Variants in PTPN13 observed in about 807,000 individuals in gnomAD.
The protein encoded by PTPN13 is protein tyrosine phosphatase non-receptor type 13, also known as tyrosine-protein phosphatase non-receptor type 13.
A neutral mutation model predicts 284.0 loss-of-function variants in PTPN13; 191 were observed. That is an observed-to-expected ratio of 0.67 (90% confidence interval 0.60 to 0.76). The LOEUF is 0.76. PTPN13 is among the 30% of genes least tolerant of loss of function. The pLI, the probability that PTPN13 is intolerant of heterozygous loss-of-function variation, is 0.00. For missense variants in PTPN13, 2,797 were observed against 2,939.9 expected (o/e 0.95, Z 1.12); for synonymous variants, 986 against 1,022.3 (o/e 0.96, Z 0.68).
At chr4:86,776,154 C>T (rs1740611967) in intron 35 of PTPN13, among the ~76,000 whole-genome samples, 1 of 152,144 alleles carries the variant, frequency 6.6e-6, no homozygotes, top group South Asian at 2.1e-4. Flanking sequence ...CCATGTTGGC[C>T]AGGCTGGTCT....
chr4:86,633,605 T>C (rs1722701038), intron 1 of PTPN13, among the ~76,000 whole-genome samples: 3 of 152,228 alleles, frequency 2.0e-5, no homozygotes, highest in Non-Finnish European at 4.4e-5. Context: ...ACCCTGAGTA[T>C]ATGCGTTAGA....
In PTPN13 at chr4:86,772,846, C is replaced by T. The variant is rs755302291; in HGVS notation, c.5237C>T (p.Ser1746Phe). The change falls in exon 32 of 48, where the codon TCC becomes TTC. Residue 1746 changes from serine to phenylalanine, a missense_variant. Coordinates refer to ENST00000411767, the MANE Select transcript of PTPN13 (RefSeq NM_080683.3). ...QSYQPQSESA[S>F]SSSMDKYHIH... is the part of the protein sequence containing the mutation. ...TATCAACCCCAATCAGAATCTGCTTCCTCTAGTTCGATGGATAAGTATCAT... is the reference window on the plus strand; with the variant it reads ...TATCAACCCCAATCAGAATCTGCTTTCTCTAGTTCGATGGATAAGTATCAT... 2 of 1,613,434 alleles carry T rather than the reference C, an allele frequency of 1.2e-6. No individual in the cohort carries two copies. Among genetic ancestry groups the T allele is most frequent in the Admixed American group, 3.3e-5 (2 of 60,010 alleles).
intron 1 of PTPN13, among the ~76,000 whole-genome samples, chr4:86,613,755 G>A (rs190466795): frequency 1.3e-5 from 2 of 151,834 alleles, no homozygotes; most frequent in Admixed American, 1.3e-4. Flanking sequence ...TTTTTGCATC[G>A]CTAGACAAAG....
At chr4:86,752,644 A>G (rs1737527798) in intron 19 of PTPN13, among the ~76,000 whole-genome samples, 1 of 152,194 alleles carries the variant, frequency 6.6e-6, no homozygotes. Context: ...TAGAAAACAT[A>G]AAACACTCTT....
chr4:86,616,792 A>G (rs944733185), intron 1 of PTPN13, among the ~76,000 whole-genome samples: 3 of 152,152 alleles, frequency 2.0e-5, no homozygotes, highest in Non-Finnish European at 4.4e-5. Context: ...CTACAGAACC[A>G]TGAGTCAATT....
At chr4:86,663,852 CCTTA>C (rs1726779260) in intron 2 of PTPN13, among the ~76,000 whole-genome samples, 1 of 152,004 alleles carries the variant, frequency 6.6e-6, no homozygotes, top group Admixed American at 6.6e-5. Flanking sequence ...CTGTAAAATG[CCTTA>C]CTTACAGCTT....
chr4:86,752,891 T>C (rs1578578000), intron 19 of PTPN13, 118 bp from the exon 20 acceptor site: 1 of 593,196 alleles, frequency 1.7e-6, no homozygotes, highest in Non-Finnish European at 2.8e-6. Context: ...TCAGTGTAAA[T>C]ACAAAATGTT....
At chr4:86,648,782 T>C (rs1724737526) in intron 2 of PTPN13, among the ~76,000 whole-genome samples, 1 of 152,200 alleles carries the variant, frequency 6.6e-6, no homozygotes, top group Admixed American at 6.5e-5. Flanking sequence ...AGTTCCATTT[T>C]TATTTTTTTT....
intron 45 of PTPN13, among the ~76,000 whole-genome samples, chr4:86,808,785 A>C (rs1744918542): frequency 6.6e-6 from 1 of 152,242 alleles, no homozygotes; most frequent in Non-Finnish European, 1.5e-5. Context: ...ACAGACAAAA[A>C]ATATTTCTAA....
At chr4:86,808,379 G>A (rs1025146221) in intron 45 of PTPN13, among the ~76,000 whole-genome samples, 1 of 152,174 alleles carries the variant, frequency 6.6e-6, no homozygotes, top group Non-Finnish European at 1.5e-5. Flanking sequence ...CCTAACCACT[G>A]GATCAATCTA....
At position 86,791,608 on chromosome 4, in the gene PTPN13, C is replaced by A. The variant is rs570792161; in HGVS notation, c.6346-5266C>A. Among the ~76,000 whole-genome samples, 22 of 152,306 alleles carry A rather than the reference C, an allele frequency of 1.4e-4. No homozygotes were observed. The East Asian group carries it at 4.3e-3, about 29-fold the overall frequency. On this transcript the variant is annotated intron_variant, in intron 40 of 47. Transcript: ENST00000411767. ...GGAGACATCTCCCAGGAGGGGCCGA[C>A]AGACACCTCAAACAGGCGGGTGCCC...
intron 28 of PTPN13, 109 bp from the exon 29 acceptor site, chr4:86,769,660 C>G (rs778409233): frequency 1.4e-5 from 10 of 706,248 alleles, no homozygotes; most frequent in Non-Finnish European, 2.1e-5. Context: ...GCTATAAATA[C>G]GGGAAAATGG....
intron 10 of PTPN13, among the ~76,000 whole-genome samples, chr4:86,731,292 C>T (rs1273972548): frequency 6.6e-6 from 1 of 152,210 alleles, no homozygotes; most frequent in Non-Finnish European, 1.5e-5. Context: ...CCTTCTCCCA[C>T]TCAGAGTCTA....
chr4:86,661,994 A>AT (rs1333477228), intron 2 of PTPN13, among the ~76,000 whole-genome samples: 1 of 152,246 alleles, frequency 6.6e-6, no homozygotes, highest in Admixed American at 6.5e-5. Context: ...ACTTGCAAAA[A>AT]TAAAAAAAAA....
intron 2 of PTPN13, among the ~76,000 whole-genome samples, chr4:86,651,981 G>A (rs1725137932): frequency 6.6e-6 from 1 of 152,144 alleles, no homozygotes; most frequent in Admixed American, 6.5e-5. Context: ...GGAGGCTGAG[G>A]CAGGAGAATT....
intron 35 of PTPN13, among the ~76,000 whole-genome samples, chr4:86,779,443 T>C (rs1453269964): frequency 6.6e-6 from 1 of 150,528 alleles, no homozygotes; most frequent in Non-Finnish European, 1.5e-5. Flanking sequence ...ATGATGTATG[T>C]GGGCCTGTGG....
Position 86,796,547 on chromosome 4 carries a change from C to T in PTPN13, c.6346-327C>T, listed in dbSNP as rs145203622. Among the ~76,000 whole-genome samples the T allele has an allele frequency of 9.7e-3, 1,475 of 152,284 alleles. 30 individuals carry two copies. The highest frequency in any genetic ancestry group is 0.034 in the African/African-American group (1,412 of 41,568). On this transcript the variant is annotated intron_variant, in intron 40 of 47. Coordinates refer to ENST00000411767, the MANE Select transcript of PTPN13 (RefSeq NM_080683.3). ...TCCCTAGCTACTCAGGAGGCTGAGG[C>T]AGGAGGATTGCTTGAGCCCAAGAGT...
chr4:86,743,556 G>A (rs557133964), intron 16 of PTPN13, among the ~76,000 whole-genome samples: 5 of 152,248 alleles, frequency 3.3e-5, no homozygotes, highest in South Asian at 4.1e-4. Context: ...TGTTGCTACT[G>A]TATCTTTAGC....
chr4:86,716,667 A>G, intron 8 of PTPN13, 42 bp downstream of exon 8: 1 of 1,231,372 alleles, frequency 8.1e-7, no homozygotes, highest in Non-Finnish European at 1.1e-6. Context: ...TTAAGAAACC[A>G]CGATTATTAT....
Sources: allele counts gnomAD v4.1 joint callset (sites outside exome capture counted in the v4.1 genomes callset), GRCh38; gene constraint gnomAD v4.1.1; transcripts MANE v1.5; gene names NCBI Gene and HGNC (gene_info 2026-07-23, HGNC 2026-07-21).